PTK2: variants seen among roughly 807,000 people sequenced by gnomAD.
PTK2 encodes focal adhesion kinase 1.
In PTK2, 45 loss-of-function variants were observed where a neutral mutation model predicts 150.1. That is an observed-to-expected ratio of 0.30 (90% CI 0.24 to 0.38). The LOEUF (loss-of-function observed/expected upper bound fraction) is 0.38. PTK2 is among the 10% of genes least tolerant of loss of function. The pLI is 1.00. For synonymous variants in PTK2, 432 were observed against 449.2 expected, an observed-to-expected ratio of 0.96 and a Z score of 0.48; for missense variants, 919 against 1,307.3, an observed-to-expected ratio of 0.70 and a Z score of 4.58.
intron 15 of PTK2, among the ~76,000 whole-genome samples, chr8:140,763,482 T>C (rs1459905378): frequency 6.6e-6 from 1 of 151,992 alleles, no homozygotes; most frequent in African/African-American, 2.4e-5. Context: ...GTCTGGAACA[T>C]TAAAAAAATA....
chr8:140,881,569 G>C lies in PTK2; in HGVS notation c.196-1932C>G, dbSNP rs373007196. ...GGCGGCTCTCTCTTGTTAGAGCTGC[G>C]ATCAGTGTCTACAGTGGTCTCTAGC... On this transcript the variant is annotated intron_variant, in intron 3 of 31. Transcript: ENST00000522684. Among the ~76,000 whole-genome samples the C allele has an allele frequency of 2.2e-4, 33 of 152,296 alleles. 1 individual carries two copies. Among genetic ancestry groups the C allele is most frequent in the African/African-American group, 7.5e-4 (31 of 41,558 alleles).
chr8:140,697,769 A>G (rs2100027635), intron 26 of PTK2, among the ~76,000 whole-genome samples: 1 of 149,350 alleles, frequency 6.7e-6, no homozygotes, highest in South Asian at 2.1e-4. Context: ...TATGTCTTGT[A>G]ATTTTTTGTT....
chr8:140,880,169 AGTTCTTTGAATTC>A (rs1443449519), intron 3 of PTK2, among the ~76,000 whole-genome samples: 2 of 152,240 alleles, frequency 1.3e-5, no homozygotes, highest in African/African-American at 4.8e-5. Context: ...ATACATGAAA[AGTTCTTTGAATTC>A]GGGCCTAATC....
At position 140,726,436 on chromosome 8, in the gene PTK2, T is replaced by C. The variant is rs572609154; in HGVS notation, c.2031-8727A>G. Among the ~76,000 whole-genome samples the C allele has an allele frequency of 5.3e-5, 8 of 152,220 alleles. No homozygotes were observed. In the East Asian group the frequency reaches 1.5e-3, roughly 29 times the overall value. ...CAGCAAATCCTAAACACAACTGACA[T>C]TAAGAAAACCACACCCAAGCACATC... is the stretch of plus-strand genomic sequence containing the variant. On this transcript the variant is annotated intron_variant, in intron 22 of 31. Transcript: ENST00000522684.
At chr8:140,890,600 A>G (rs2100153905) in exon 3 of PTK2, 3 of 1,614,108 alleles carry the variant, frequency 1.9e-6, no homozygotes, top group South Asian at 1.1e-5. Context: ...TTGGCTCACT[A>G]TTGCTTTCAA....
At chr8:140,957,249 C>T (rs2100181505) in intron 1 of PTK2, among the ~76,000 whole-genome samples, 1 of 151,948 alleles carries the variant, frequency 6.6e-6, no homozygotes, top group Admixed American at 6.6e-5. Context: ...GCCTGGGCAA[C>T]ATGGTGAAAC....
chr8:140,998,346 A>AG (rs771735139), intron 1 of PTK2, among the ~76,000 whole-genome samples: 39 of 152,212 alleles, frequency 2.6e-4, no homozygotes, highest in Non-Finnish European at 2.2e-4. Flanking sequence ...ATAAAATACA[A>AG]GGGGAAAAAG....
At chr8:140,950,611 A>C (rs972577876) in intron 1 of PTK2, among the ~76,000 whole-genome samples, 4 of 152,234 alleles carry the variant, frequency 2.6e-5, no homozygotes, top group African/African-American at 4.8e-5. Context: ...CAAGCCGAGT[A>C]GGCGAACAAG....
intron 27 of PTK2, among the ~76,000 whole-genome samples, chr8:140,682,748 C>T (rs1214944350): frequency 2.0e-5 from 3 of 151,966 alleles, no homozygotes; most frequent in Non-Finnish European, 4.4e-5. Context: ...TGGAAATTAA[C>T]CTGCTCCTGA....
chr8:140,793,295 G>T, intron 13 of PTK2, 59 bp downstream of exon 13: 1 of 1,548,066 alleles, frequency 6.5e-7, no homozygotes. Context: ...ATAAAGCATA[G>T]AAATTTCCTT....
chr8:140,841,779 C>CA (rs949149652), intron 7 of PTK2, among the ~76,000 whole-genome samples: 22 of 151,308 alleles, frequency 1.5e-4, no homozygotes, highest in East Asian at 3.9e-4. Context: ...AGTTAATTTA[C>CA]AAAAAAAACT....
intron 10 of PTK2, among the ~76,000 whole-genome samples, chr8:140,814,956 A>G (rs1172209281): frequency 1.3e-5 from 2 of 152,008 alleles, no homozygotes; most frequent in African/African-American, 4.8e-5. Flanking sequence ...TTGTATTTTT[A>G]GTAGGGACAG....
intron 1 of PTK2, among the ~76,000 whole-genome samples, chr8:140,950,344 C>T (rs1284294700): frequency 2.6e-5 from 4 of 152,220 alleles, no homozygotes; most frequent in Non-Finnish European, 5.9e-5. Flanking sequence ...CTCTTCTGGG[C>T]GCCACCTCGT....
chr8:140,770,783 T>C, intron 14 of PTK2: 3 of 1,338,674 alleles, frequency 2.2e-6, no homozygotes, highest in Non-Finnish European at 3.0e-6. Flanking sequence ...TAACTTTATG[T>C]TGGCAGTGAC....
chr8:140,684,533 A>G (rs1361546376), intron 27 of PTK2, among the ~76,000 whole-genome samples: 1 of 152,224 alleles, frequency 6.6e-6, no homozygotes, highest in African/African-American at 2.4e-5. Context: ...TACAAAATCA[A>G]TGTACAAAAA....
intron 27 of PTK2, among the ~76,000 whole-genome samples, chr8:140,682,390 A>T (rs1255471316): frequency 6.6e-6 from 1 of 152,164 alleles, no homozygotes; most frequent in Non-Finnish European, 1.5e-5. Flanking sequence ...CGAAAACAAC[A>T]ACAACAAAAA....
rs1277059977 is a variant in PTK2, at chr8:140,663,471, A to T, written c.2946+1446T>A. 2.0e-5 allele frequency among the ~76,000 whole-genome samples: 3 copies of T among 152,240 alleles called. No individual in the cohort carries two copies. The East Asian group carries it at 5.8e-4, about 29-fold the overall frequency. ...AGCAGGGAGCAAGGCTGAAGCCTGC[A>T]GATCCTGGACTCTGTAGTGGGGACG... On this transcript the variant is annotated intron_variant, in intron 31 of 31. Transcript: ENST00000522684.
At chr8:140,806,884 G>C (rs1045859603) in intron 10 of PTK2, among the ~76,000 whole-genome samples, 10 of 152,142 alleles carry the variant, frequency 6.6e-5, no homozygotes, top group Admixed American at 2.0e-4. Context: ...AGAGGGGCTG[G>C]CACTGCCCAC....
intron 7 of PTK2, among the ~76,000 whole-genome samples, chr8:140,837,471 G>GT (rs1353776738): frequency 1.3e-5 from 2 of 152,216 alleles, no homozygotes; most frequent in African/African-American, 4.8e-5. Context: ...ACTCACACCT[G>GT]TAATCCCAGC....
Sources: gnomAD v4.1 joint callset for allele counts (sites outside exome capture counted in the v4.1 genomes callset) on GRCh38, gnomAD v4.1.1 for gene constraint, MANE v1.5 for transcripts, NCBI Gene and HGNC (gene_info 2026-07-23, HGNC 2026-07-21) for gene names.